Variants in SYN1 observed in about 807,000 individuals in gnomAD.
SYN1 encodes the protein synapsin I.
SYN1 carries 8 observed loss-of-function variants against 44.6 expected under a neutral mutation model. The observed-to-expected ratio is 0.18, with a 90% CI of 0.11 to 0.32. SYN1 has a LOEUF of 0.32. Among genes scored for constraint, SYN1 ranks in the 10% least tolerant of loss-of-function variants. The pLI, the probability that SYN1 is intolerant of heterozygous loss-of-function variation, is 1.00. For missense variants in SYN1, 451 were observed against 639.4 expected (o/e 0.71, Z 3.18); for synonymous variants, 275 against 280.1 (o/e 0.98, Z 0.18).
intron 5 of SYN1, among the ~76,000 whole-genome samples, chrX:47,600,446 G>A (rs73206136): frequency 0.099 from 10,961 of 111,085 alleles, 492 homozygotes; most frequent in Non-Finnish European, 0.13. Context: ...CAATCCACCC[G>A]CCTCAGACTC....
rs1440784053 is a variant in SYN1 at position 47,590,397 on chromosome X, C to A, written c.775-12896G>T. Among the ~76,000 whole-genome samples the A allele has an allele frequency of 4.5e-5, 5 of 111,561 alleles. 1 individual carries two copies. The South Asian group carries it at 1.5e-3, about 34-fold the overall frequency. On this transcript the variant is annotated intron_variant, in intron 5 of 12. Coordinates refer to ENST00000295987, the MANE Select transcript of SYN1 (RefSeq NM_006950.3). ...CACCCTGGAACAAAAAGTCCCCATC[C>A]CTGGAGCATTCTCCCCACGAAGAAC...
chrX:47,604,179 G>T (rs181366435), intron 5 of SYN1, among the ~76,000 whole-genome samples: 1,381 of 111,139 alleles, frequency 0.012, 8 homozygotes, highest in Middle Eastern at 0.037. Flanking sequence ...GAAGTGTTGG[G>T]ATTACAGGCA....
At chrX:47,595,694 G>C (rs773826550) in intron 5 of SYN1, among the ~76,000 whole-genome samples, 7 of 111,863 alleles carry the variant, frequency 6.3e-5, no homozygotes, top group Non-Finnish European at 1.3e-4. Context: ...TGTACAATGA[G>C]AGGGCCTTGA....
chrX:47,604,856 A>G, intron 5 of SYN1, 122 bp downstream of exon 5: 1 of 663,553 alleles, frequency 1.5e-6, no homozygotes, highest in South Asian at 2.4e-5. Flanking sequence ...CAACTTCATG[A>G]CTCCACGTGC....
At position 47,576,518 on chromosome X, in the gene SYN1, C is replaced by A; in HGVS notation, c.960G>T (p.Gly320=). 8.3e-7 allele frequency: 1 copy of A among 1,212,007 alleles called. No homozygotes were observed. The highest frequency in any genetic ancestry group is 1.1e-6 in the Non-Finnish European group (1 of 895,598). Residue 320 remains glycine, a synonymous_variant, in exon 7 of 13, where the codon GGG becomes GGT. Transcript: ENST00000295987. The part of the protein sequence containing the change: ...AKYDVRVQKI[G]QNYKAYMRTS... Reference sequence around the variant, plus strand: ...CTCACATGTAGGCCTTGTAGTTCTGCCCAATCTTCTGGACACGCACGTCAT... The same window carrying A: ...CTCACATGTAGGCCTTGTAGTTCTGACCAATCTTCTGGACACGCACGTCAT...
At chrX:47,599,155 AC>A (rs1224253510) in intron 5 of SYN1, among the ~76,000 whole-genome samples, 4 of 112,670 alleles carry the variant, frequency 3.6e-5, no homozygotes, top group African/African-American at 1.3e-4. Flanking sequence ...GAATACAGGA[AC>A]AAAAAATAAG....
rs763803450 is a variant in SYN1, at chrX:47,574,629, G to T, written c.1394-39C>A. On this transcript the variant is annotated intron_variant, in intron 11 of 12. Coordinates refer to ENST00000295987, the MANE Select transcript of SYN1 (RefSeq NM_006950.3). The stretch of plus-strand genomic sequence containing the variant: ...GGAGAGAAAGAGCACACGTGAGAGT[G>T]AGCGGGTAAGAGATGGCGGGCTGAG... 2.1e-5 allele frequency: 23 copies of T among 1,118,647 alleles called. No individual in the cohort carries two copies. The South Asian group carries it at 4.3e-4, about 21-fold the overall frequency. 92.2% of individuals were successfully genotyped at this position (1,118,647 alleles called of 1,213,427 possible). A position where few individuals can be genotyped will look rare whatever the true frequency, so the allele number is the denominator to read the frequency against.
intron 5 of SYN1, among the ~76,000 whole-genome samples, chrX:47,581,048 C>G (rs756933689): frequency 1.8e-4 from 20 of 111,163 alleles, no homozygotes; most frequent in Non-Finnish European, 2.5e-4. Flanking sequence ...TACATTGTAC[C>G]CATTAGGCAA....
At chrX:47,581,242 A>G (rs912302280) in intron 5 of SYN1, among the ~76,000 whole-genome samples, 1 of 112,548 alleles carries the variant, frequency 8.9e-6, no homozygotes, top group Non-Finnish European at 1.9e-5. Flanking sequence ...ACTTTAGCAC[A>G]TAGTACACAG....
At chrX:47,578,035 C>T (rs1360008563) in intron 5 of SYN1, among the ~76,000 whole-genome samples, 1 of 111,105 alleles carries the variant, frequency 9.0e-6, no homozygotes, top group Non-Finnish European at 1.9e-5. Flanking sequence ...TTGAGACTGA[C>T]AGCCAACACA....
Position 47,619,387 on chromosome X carries a change from C to T in SYN1, c.342G>A (p.Arg114=). The T allele has an allele frequency of 1.7e-6, 2 of 1,194,857 alleles. No homozygotes were observed. Among genetic ancestry groups the T allele is most frequent in the Non-Finnish European group, 2.2e-6 (2 of 892,026 alleles). The change falls in exon 1 of 13, where the codon AGG becomes AGA. Residue 114 remains arginine, a synonymous_variant. Coordinates refer to ENST00000295987, the MANE Select transcript of SYN1 (RefSeq NM_006950.3). ...GCGGCTCGTCGATGACCAGCAGCACCCTGGAGGCGGCTCCCCCGCGGCCTG... is the reference window on the plus strand; with the variant it reads ...GCGGCTCGTCGATGACCAGCAGCACTCTGGAGGCGGCTCCCCCGCGGCCTG... ...GGAGRGGAAS[R]VLLVIDEPHT... is the part of the protein sequence containing the mutation.
In SYN1 at chrX:47,619,395, C is replaced by A. The variant is rs764283680; in HGVS notation, c.334G>T (p.Ala112Ser). ...TCGATGACCAGCAGCACCCTGGAGGCGGCTCCCCCGCGGCCTGCGCCCCCA... is the reference window on the plus strand; with the variant it reads ...TCGATGACCAGCAGCACCCTGGAGGAGGCTCCCCCGCGGCCTGCGCCCCCA... Reference protein sequence around the residue: ...GSGGAGRGGAASRVLLVIDEP... With the variant: ...GSGGAGRGGASSRVLLVIDEP... The change falls in exon 1 of 13, where the codon GCC (alanine) becomes TCC (serine). Residue 112 changes from alanine (A) to serine (S), a missense_variant. Around this residue, in one of 3 missense-constraint regions of SYN1, gnomAD observed 315 missense variants for 451.4 expected, o/e 0.70. Coordinates refer to ENST00000295987, the MANE Select transcript of SYN1 (RefSeq NM_006950.3). The A allele has an allele frequency of 2.5e-6, 3 of 1,189,143 alleles. No individual in the cohort carries two copies. The highest frequency in any genetic ancestry group is 1.1e-6 in the Non-Finnish European group (1 of 889,832).
At chrX:47,614,610 C>T (rs1412459054) in intron 1 of SYN1, among the ~76,000 whole-genome samples, 3 of 111,735 alleles carry the variant, frequency 2.7e-5, no homozygotes, top group Non-Finnish European at 3.8e-5. Context: ...GGAAGTGGAT[C>T]GGAGCAGTGC....
Position 47,585,029 on chromosome X carries a change from C to T in SYN1, c.775-7528G>A, listed in dbSNP as rs770761313. The T allele has an allele frequency of 3.3e-6, 4 of 1,203,302 alleles. No individual in the cohort carries two copies. The South Asian group carries it at 7.2e-5, about 22-fold the overall frequency. On this transcript the variant is annotated intron_variant, in intron 5 of 12. Transcript: ENST00000295987. ...AAGATGACCAAGGTATCCCCTGCCC[C>T]CGCCTCTTTCCCAGCATTTTCTAAC...
chrX:47,580,318 C>T (rs1223270727), intron 5 of SYN1, among the ~76,000 whole-genome samples: 4 of 108,140 alleles, frequency 3.7e-5, no homozygotes, highest in African/African-American at 1.3e-4. Flanking sequence ...CCACCATGCC[C>T]GGCCAAGTGC....
intron 5 of SYN1, among the ~76,000 whole-genome samples, chrX:47,583,074 A>C (rs2057806300): frequency 1.2e-5 from 1 of 80,684 alleles, no homozygotes; most frequent in African/African-American, 4.9e-5. Context: ...CCCAATCCCA[A>C]ATTCCTCACC....
chrX:47,604,675 T>C, intron 5 of SYN1: 1 of 304,997 alleles, frequency 3.3e-6, no homozygotes, highest in Non-Finnish European at 5.8e-6. Context: ...TTTCTATATG[T>C]AATATATTCT....
intron 5 of SYN1, among the ~76,000 whole-genome samples, chrX:47,583,932 G>A (rs941301222): frequency 1.8e-5 from 2 of 112,053 alleles, no homozygotes; most frequent in Admixed American, 1.9e-4. Flanking sequence ...CAGGACCATG[G>A]TGATGGGTAT....
At chrX:47,577,958 A>C (rs747838289) in intron 5 of SYN1, among the ~76,000 whole-genome samples, 47 of 110,203 alleles carry the variant, frequency 4.3e-4, no homozygotes, top group African/African-American at 1.1e-3. Context: ...TGCACACATA[A>C]ACTATTGAGA....
Sources: allele counts gnomAD v4.1 joint callset (sites outside exome capture counted in the v4.1 genomes callset), GRCh38; gene constraint gnomAD v4.1.1; regional missense constraint gnomAD v4.1.1; transcripts MANE v1.5; gene names NCBI Gene and HGNC (gene_info 2026-07-23, HGNC 2026-07-21).